RABEP1: variants seen among roughly 807,000 people sequenced by gnomAD.
The protein encoded by RABEP1 is rabaptin, RAB GTPase binding effector protein 1.
In RABEP1, 51 loss-of-function variants were observed where a neutral mutation model predicts 123.4. That is an observed-to-expected ratio of 0.41 (90% CI 0.33 to 0.52). RABEP1 has a LOEUF of 0.52. Among genes scored for constraint, RABEP1 ranks in the 20% least tolerant of loss-of-function variants. The pLI is 0.16. For synonymous variants in RABEP1, 347 were observed against 355.2 expected, an observed-to-expected ratio of 0.98 and a Z score of 0.26; for missense variants, 888 against 996.3, an observed-to-expected ratio of 0.89 and a Z score of 1.46.
chr17:5,337,193 G>T (rs1256372875), intron 4 of RABEP1, among the ~76,000 whole-genome samples: 1 of 152,120 alleles, frequency 6.6e-6, no homozygotes, highest in Non-Finnish European at 1.5e-5. Context: ...CTTTGTGTTT[G>T]TTTCATTTAG....
chr17:5,363,375 A>G (rs560264540), intron 10 of RABEP1, among the ~76,000 whole-genome samples: 1 of 151,480 alleles, frequency 6.6e-6, no homozygotes, highest in Non-Finnish European at 1.5e-5. Flanking sequence ...ACACGCCACC[A>G]CCCCCAGCTA....
rs570516121 is a variant in RABEP1, at chr17:5,380,930, C to T, written c.2371-459C>T. Among the ~76,000 whole-genome samples, 10 of 152,268 alleles carry T rather than the reference C, an allele frequency of 6.6e-5. No individual in the cohort carries two copies. In the South Asian group the frequency reaches 1.7e-3, roughly 25 times the overall value. ...TGAAAGTGCAGACAGTGTTGCTGAA[C>T]TGCTTGTTTTTGGAAAGGCTCCCAC... On this transcript the variant is annotated intron_variant, in intron 16 of 17. Coordinates refer to ENST00000537505, the MANE Select transcript of RABEP1 (RefSeq NM_004703.6).
intron 1 of RABEP1, among the ~76,000 whole-genome samples, chr17:5,298,598 A>G (rs2075104267): frequency 6.6e-6 from 1 of 151,528 alleles, no homozygotes; most frequent in Non-Finnish European, 1.5e-5. Flanking sequence ...ACCACCTTCC[A>G]TGTGTCATGA....
At chr17:5,347,391 C>T (rs1273203396) in intron 6 of RABEP1, among the ~76,000 whole-genome samples, 1 of 151,066 alleles carries the variant, frequency 6.6e-6, no homozygotes, top group Non-Finnish European at 1.5e-5. Flanking sequence ...TCCTGGGCGA[C>T]AGAGCGAGAC....
intron 16 of RABEP1, among the ~76,000 whole-genome samples, chr17:5,381,077 T>TGACA (rs1479951695): frequency 6.6e-6 from 1 of 152,146 alleles, no homozygotes; most frequent in African/African-American, 2.4e-5. Context: ...CCTGTTGGTG[T>TGACA]GACAGACACC....
intron 6 of RABEP1, among the ~76,000 whole-genome samples, chr17:5,348,815 C>A (rs1339382780): frequency 6.6e-6 from 1 of 152,160 alleles, no homozygotes; most frequent in Non-Finnish European, 1.5e-5. Flanking sequence ...CCCACCTCGG[C>A]CTCCCAGAGT....
chr17:5,361,722 A>G (rs1597385078), intron 9 of RABEP1, 47 bp downstream of exon 9: 4 of 1,467,860 alleles, frequency 2.7e-6, no homozygotes, highest in South Asian at 1.3e-5. Flanking sequence ...GCTGAGGCAC[A>G]CTGGGAAGCT....
At chr17:5,360,701 A>G (rs936862305) in intron 8 of RABEP1, among the ~76,000 whole-genome samples, 5 of 151,842 alleles carry the variant, frequency 3.3e-5, no homozygotes, top group Non-Finnish European at 4.4e-5. Flanking sequence ...ACGTGTTCTG[A>G]TTTGCTGCTG....
At chr17:5,319,145 C>T (rs2075326805) in intron 2 of RABEP1, among the ~76,000 whole-genome samples, 1 of 151,818 alleles carries the variant, frequency 6.6e-6, no homozygotes, top group Admixed American at 6.6e-5. Flanking sequence ...TCCTGGCCAA[C>T]ATGGTGAAAC....
At chr17:5,308,602 G>T (rs1047527990) in intron 1 of RABEP1, 92 bp from the exon 2 acceptor site, 2 of 1,122,968 alleles carry the variant, frequency 1.8e-6, no homozygotes, top group Non-Finnish European at 2.5e-6. Flanking sequence ...CTTGTTTCAC[G>T]TATAGCAATG....
At chr17:5,296,545 G>A (rs545844526) in intron 1 of RABEP1, among the ~76,000 whole-genome samples, 9 of 152,216 alleles carry the variant, frequency 5.9e-5, no homozygotes, top group Middle Eastern at 3.4e-3. Context: ...ACAGGTGTGA[G>A]CCACCGTGCC....
rs755641855 is a variant in RABEP1, at chr17:5,365,080, A to G, written c.1669-42A>G. The G allele has an allele frequency of 6.7e-6, 9 of 1,350,532 alleles. No homozygotes were observed. In the East Asian group the frequency reaches 1.2e-4, roughly 18 times the overall value. 83.7% of individuals were successfully genotyped at this position (1,350,532 alleles called of 1,614,324 possible). A position where few individuals can be genotyped will look rare whatever the true frequency, so the allele number is the denominator to read the frequency against. On this transcript the variant is annotated intron_variant, in intron 10 of 17. Coordinates refer to ENST00000537505, the MANE Select transcript of RABEP1 (RefSeq NM_004703.6). ...TAGATTTAAAAAAAAAAAAATTATA[A>G]AAGGATTCTGGTTTTTCTAATTGAC...
intron 2 of RABEP1, among the ~76,000 whole-genome samples, chr17:5,328,645 T>TA (rs60062792): frequency 0.03 from 1,614 of 54,120 alleles, 98 homozygotes; most frequent in Admixed American, 0.056. Flanking sequence ...GACGCTGTGT[T>TA]AAAAAAAAAA....
At position 5,331,026 on chromosome 17, in the gene RABEP1, A is replaced by C. The variant is rs541428172; in HGVS notation, c.164-923A>C. 8.4e-5 allele frequency among the ~76,000 whole-genome samples: 10 copies of C among 119,518 alleles called. No individual in the cohort carries two copies. In the East Asian group the frequency reaches 2.7e-3, roughly 32 times the overall value. 78.4% of individuals were successfully genotyped at this position (119,518 alleles called of 152,430 possible). On this transcript the variant is annotated intron_variant, in intron 2 of 17. Coordinates refer to ENST00000537505, the MANE Select transcript of RABEP1 (RefSeq NM_004703.6). ...GCGACAATTGAGACCCTATCTCTTAACTTTTTTTTTTTTTTTTTTTTTTTT... is the reference window on the plus strand; with the variant it reads ...GCGACAATTGAGACCCTATCTCTTACCTTTTTTTTTTTTTTTTTTTTTTTT...
At position 5,384,228 on chromosome 17, in the gene RABEP1, C is replaced by CAGTT. The variant is rs1911752147; in HGVS notation, c.*1012_*1015dup. 4.7e-6 allele frequency: 1 copy of CAGTT among 214,668 alleles called. No individual in the cohort carries two copies. The highest frequency in any genetic ancestry group is 2.3e-5 in the African/African-American group (1 of 44,300). 13.3% of individuals were successfully genotyped at this position (214,668 alleles called of 1,614,324 possible). A position where few individuals can be genotyped will look rare whatever the true frequency, so the allele number is the denominator to read the frequency against. ...GTAAGTGACAATGCTTATGGAAAGC[C>CAGTT]AGTTAGTTAGAATTGGAAATCTGTC... On this transcript the variant is annotated 3_prime_UTR_variant, in exon 18 of 18. Coordinates refer to ENST00000537505, the MANE Select transcript of RABEP1 (RefSeq NM_004703.6).
intron 13 of RABEP1, among the ~76,000 whole-genome samples, chr17:5,373,702 ACACACACACACAC>A (rs1910728637): frequency 1.1e-5 from 1 of 95,216 alleles, no homozygotes; most frequent in East Asian, 1.5e-3. Flanking sequence ...AAACACACAC[ACACACACACACAC>A]ACACACACAC....
In RABEP1 at chr17:5,345,593, G is replaced by A. The variant is rs377295093; in HGVS notation, c.649-1197G>A. Among the ~76,000 whole-genome samples, 265 of 152,238 alleles carry A rather than the reference G, an allele frequency of 1.7e-3. 12 individuals are homozygous for A. The South Asian group carries it at 0.053, about 30-fold the overall frequency. On this transcript the variant is annotated intron_variant, in intron 5 of 17. Coordinates refer to ENST00000537505, the MANE Select transcript of RABEP1 (RefSeq NM_004703.6). ...TGCCATACGGACTCTTTTACCATCA[G>A]CTGAATTACCACCGTCCTCAGGTGT...
In RABEP1 at chr17:5,289,435, T is replaced by A. The variant is rs1465655891; in HGVS notation, c.34+6915T>A. 4.2e-4 allele frequency among the ~76,000 whole-genome samples: 61 copies of A among 146,768 alleles called. No homozygotes were observed. The South Asian group carries it at 7.7e-3, about 19-fold the overall frequency. ...AGATCTGACCTTTTTTTTTTTTTTT[T>A]AAATTTATGGTTTCTGGGTTTCTTA... On this transcript the variant is annotated intron_variant, in intron 1 of 17. Transcript: ENST00000537505.
intron 1 of RABEP1, among the ~76,000 whole-genome samples, chr17:5,283,139 G>A (rs1436558222): frequency 6.6e-6 from 1 of 151,810 alleles, no homozygotes; most frequent in Non-Finnish European, 1.5e-5. Context: ...TCTCACCCAC[G>A]AATTAACCAA....
Sources: allele counts gnomAD v4.1 joint callset (sites outside exome capture counted in the v4.1 genomes callset), GRCh38; gene constraint gnomAD v4.1.1; transcripts MANE v1.5; gene names NCBI Gene and HGNC (gene_info 2026-07-23, HGNC 2026-07-21).